RALGPS1: variants seen among roughly 807,000 people sequenced by gnomAD.
The protein encoded by RALGPS1 is Ral GEF with PH domain and SH3 binding motif 1, also known as ras-specific guanine nucleotide-releasing factor RalGPS1.
In RALGPS1, 19 loss-of-function variants were observed where a neutral mutation model predicts 78.8. That is an observed-to-expected ratio of 0.24 (90% CI 0.17 to 0.35). RALGPS1 has a LOEUF of 0.35. Ranked by LOEUF, RALGPS1 falls within the 10% of genes least tolerant of loss-of-function variation. RALGPS1 has a pLI of 1.00. For synonymous variants in RALGPS1, 228 were observed against 256.3 expected (o/e 0.89, Z 1.06); for missense variants, 454 against 688.3 (o/e 0.66, Z 3.81).
In RALGPS1 at chr9:127,132,483, T is replaced by C. The variant is rs143039985; in HGVS notation, c.611-33586T>C. Among the ~76,000 whole-genome samples the C allele has an allele frequency of 4.8e-4, 73 of 152,350 alleles. No individual in the cohort carries two copies. In the East Asian group the frequency reaches 0.013, roughly 28 times the overall value. On this transcript the variant is annotated intron_variant, in intron 8 of 18. Transcript: ENST00000259351. ...TAGGTTCATTGACACGATGGTGTGA[T>C]CAGTGTTCTTCCCTCCCCAGCACGC... is the stretch of plus-strand genomic sequence containing the variant.
intron 8 of RALGPS1, among the ~76,000 whole-genome samples, chr9:127,096,632 T>C (rs1001185165): frequency 1.3e-5 from 2 of 152,360 alleles, no homozygotes; most frequent in African/African-American, 4.8e-5. Flanking sequence ...CCAAGGGCTC[T>C]TTTTAAAGGC....
Position 127,071,454 on chromosome 9 carries a change from A to G in RALGPS1, c.610+2098A>G, listed in dbSNP as rs192983915. On this transcript the variant is annotated intron_variant, in intron 8 of 18. Coordinates refer to ENST00000259351, the MANE Select transcript of RALGPS1 (RefSeq NM_014636.3). ...TGATACATAAAAAAAGACACACCTGATAAAAGGTGACATCTTAAACATAAT... is the reference window on the plus strand; with the variant it reads ...TGATACATAAAAAAAGACACACCTGGTAAAAGGTGACATCTTAAACATAAT... 7.2e-3 allele frequency among the ~76,000 whole-genome samples: 1,095 copies of G among 152,330 alleles called. 8 individuals are homozygous for G. The highest frequency in any genetic ancestry group is 0.011 in the Non-Finnish European group (741 of 68,014).
At chr9:126,957,834 TGC>T (rs1401426024) in intron 1 of RALGPS1, among the ~76,000 whole-genome samples, 1 of 152,010 alleles carries the variant, frequency 6.6e-6, no homozygotes, top group African/African-American at 2.4e-5. Flanking sequence ...CAAAGTTTTT[TGC>T]TTATTAATAG....
At chr9:126,976,309 A>G (rs1202739364) in intron 3 of RALGPS1, among the ~76,000 whole-genome samples, 1 of 92,654 alleles carries the variant, frequency 1.1e-5, no homozygotes, top group African/African-American at 2.8e-5. Flanking sequence ...CTCAACACTC[A>G]TTCTCACACA....
intron 8 of RALGPS1, among the ~76,000 whole-genome samples, chr9:127,147,125 G>A (rs561558716): frequency 7.2e-5 from 11 of 152,318 alleles, no homozygotes; most frequent in African/African-American, 1.9e-4. Flanking sequence ...TTTCTCTGAT[G>A]ATTAGTGATG....
chr9:127,164,855 G>A (rs113363479), intron 8 of RALGPS1, among the ~76,000 whole-genome samples: 3 of 152,006 alleles, frequency 2.0e-5, no homozygotes, highest in Admixed American at 1.3e-4. Flanking sequence ...ACTTGTTAAC[G>A]TTGTTACTGT....
chr9:127,220,299 C>T lies in RALGPS1; in HGVS notation c.*1530C>T, dbSNP rs1045552379. On this transcript the variant is annotated 3_prime_UTR_variant, in exon 19 of 19. Coordinates refer to ENST00000259351, the MANE Select transcript of RALGPS1 (RefSeq NM_014636.3). ...GCTGGATGTTTCAGAACAACATCTA[C>T]ACCAGTAAAGTGTAATAGGTCAGTT... The T allele has an allele frequency of 2.6e-5, 4 of 152,166 alleles. No individual in the cohort carries two copies. Among genetic ancestry groups the T allele is most frequent in the Non-Finnish European group, 5.9e-5 (4 of 68,048 alleles). The allele number at this position is 152,166 out of a possible 1,614,324, so 9.4% of individuals were successfully genotyped here.
rs566615904 is a variant in RALGPS1 at position 127,149,008 on chromosome 9, T to G, written c.611-17061T>G. On this transcript the variant is annotated intron_variant, in intron 8 of 18. Transcript: ENST00000259351. Reference sequence around the variant, plus strand: ...CAGTGACCTCATATACACCTCATTCTGTCTACACCTCCACATGAGGGAGGC... The same window carrying G: ...CAGTGACCTCATATACACCTCATTCGGTCTACACCTCCACATGAGGGAGGC... Among the ~76,000 whole-genome samples, 67 of 152,338 alleles carry G rather than the reference T, an allele frequency of 4.4e-4. 1 individual carries two copies. The highest frequency in any genetic ancestry group is 1.5e-3 in the African/African-American group (63 of 41,586).
chr9:126,942,680 T>C (rs2036897211), intron 1 of RALGPS1, among the ~76,000 whole-genome samples: 2 of 152,228 alleles, frequency 1.3e-5, no homozygotes, highest in Admixed American at 6.5e-5. Context: ...TTTTTAATTA[T>C]TCTTCCAGAT....
chr9:127,164,065 AGTTTTT>A (rs2059162127), intron 8 of RALGPS1, among the ~76,000 whole-genome samples: 1 of 151,872 alleles, frequency 6.6e-6, no homozygotes, highest in Non-Finnish European at 1.5e-5. Context: ...TCAAATGGTT[AGTTTTT>A]TTTCTGTATT....
intron 1 of RALGPS1, among the ~76,000 whole-genome samples, chr9:126,926,534 A>T (rs2035297614): frequency 6.6e-6 from 1 of 152,094 alleles, no homozygotes; most frequent in Non-Finnish European, 1.5e-5. Flanking sequence ...TTTATGGTGG[A>T]GGATGGAGGG....
At chr9:127,074,908 G>A (rs1338043873) in intron 8 of RALGPS1, among the ~76,000 whole-genome samples, 2 of 152,202 alleles carry the variant, frequency 1.3e-5, no homozygotes, top group East Asian at 3.9e-4. Flanking sequence ...GGCTATTTAT[G>A]ACTTGTGGGT....
chr9:127,197,954 G>A (rs974944411), intron 13 of RALGPS1, among the ~76,000 whole-genome samples: 8 of 152,168 alleles, frequency 5.3e-5, no homozygotes, highest in East Asian at 1.9e-4. Context: ...GGGAAATGCC[G>A]GCCCAACAGC....
intron 4 of RALGPS1, chr9:127,016,638 C>T (rs2044856502): frequency 6.6e-6 from 1 of 152,206 alleles, no homozygotes; most frequent in Admixed American, 6.5e-5. Flanking sequence ...CCATTAATGA[C>T]AAGCCCTACC....
chr9:126,940,836 C>G (rs1171787289), intron 1 of RALGPS1, among the ~76,000 whole-genome samples: 1 of 152,208 alleles, frequency 6.6e-6, no homozygotes, highest in Non-Finnish European at 1.5e-5. Context: ...GAACCGCTGT[C>G]TTTAAATACC....
intron 11 of RALGPS1, among the ~76,000 whole-genome samples, chr9:127,187,362 A>G (rs1415537671): frequency 1.3e-5 from 2 of 152,154 alleles, no homozygotes; most frequent in Non-Finnish European, 2.9e-5. Flanking sequence ...ACCTCTGAAC[A>G]GCTAGCCTTC....
At chr9:127,028,084 C>T (rs1388745717) in intron 4 of RALGPS1, among the ~76,000 whole-genome samples, 2 of 152,220 alleles carry the variant, frequency 1.3e-5, no homozygotes, top group African/African-American at 4.8e-5. Flanking sequence ...TCCTATTATC[C>T]CTTTTGTCTT....
intron 13 of RALGPS1, among the ~76,000 whole-genome samples, chr9:127,197,727 G>T (rs569345199): frequency 6.6e-6 from 1 of 152,232 alleles, no homozygotes; most frequent in Admixed American, 6.5e-5. Context: ...ATGTGTCCGG[G>T]GTTACGAGGT....
At chr9:127,041,326 G>A (rs557871069) in intron 5 of RALGPS1, among the ~76,000 whole-genome samples, 140 of 152,092 alleles carry the variant, frequency 9.2e-4, no homozygotes, top group African/African-American at 3.4e-3. Flanking sequence ...TCCTGACCTC[G>A]TGATCTGCCT....
Sources: allele counts gnomAD v4.1 joint callset (sites outside exome capture counted in the v4.1 genomes callset), GRCh38; gene constraint gnomAD v4.1.1; transcripts MANE v1.5; gene names NCBI Gene and HGNC (gene_info 2026-07-23, HGNC 2026-07-21).